CMSS1: variants seen among roughly 807,000 people sequenced by gnomAD.
CMSS1 encodes cms1 ribosomal small subunit homolog, also known as protein CMSS1.
In CMSS1, 33 loss-of-function variants were observed where a neutral mutation model predicts 43.5. The observed-to-expected ratio is 0.76, with a 90% confidence interval of 0.57 to 1.01. The LOEUF (loss-of-function observed/expected upper bound fraction) is 1.01. Ranked by LOEUF, CMSS1 falls within the 50% of genes least tolerant of loss-of-function variation. The pLI is 0.00. For missense variants in CMSS1, 313 were observed against 326.4 expected, an observed-to-expected ratio of 0.96 and a Z score of 0.32; for synonymous variants, 115 against 117.2, an observed-to-expected ratio of 0.98 and a Z score of 0.12.
chr3:99,827,867 G>A (rs901832695), intron 1 of CMSS1, among the ~76,000 whole-genome samples: 5 of 152,198 alleles, frequency 3.3e-5, no homozygotes, highest in Non-Finnish European at 7.3e-5. Flanking sequence ...GACTCCCAAA[G>A]TGCTGGGATT....
intron 1 of CMSS1, among the ~76,000 whole-genome samples, chr3:100,045,240 A>C (rs2065260667): frequency 6.6e-6 from 1 of 152,222 alleles, no homozygotes; most frequent in East Asian, 1.9e-4. Flanking sequence ...CTGTGCAAAG[A>C]GGTTGAAAGG....
At chr3:100,054,749 C>A (rs1394987276) in intron 1 of CMSS1, among the ~76,000 whole-genome samples, 2 of 152,130 alleles carry the variant, frequency 1.3e-5, no homozygotes, top group East Asian at 3.8e-4. Flanking sequence ...ACCCTCAAGC[C>A]CTGGGATGAG....
At chr3:100,013,496 G>A (rs903356107) in intron 1 of CMSS1, among the ~76,000 whole-genome samples, 4 of 151,858 alleles carry the variant, frequency 2.6e-5, no homozygotes, top group African/African-American at 7.3e-5. Flanking sequence ...CATCCACCTC[G>A]GCCTCCCAAA....
At chr3:100,087,832 CTT>C (rs755041519) in intron 1 of CMSS1, among the ~76,000 whole-genome samples, 1,160 of 114,020 alleles carry the variant, frequency 0.01, 4 homozygotes, top group African/African-American at 0.022. Context: ...ATTGTTTCAA[CTT>C]TTTTTTTTTT....
At chr3:99,968,059 G>C (rs963438808) in intron 1 of CMSS1, among the ~76,000 whole-genome samples, 1 of 152,128 alleles carries the variant, frequency 6.6e-6, no homozygotes, top group Non-Finnish European at 1.5e-5. Flanking sequence ...AGGGATCCTT[G>C]GGGAAAACAT....
At chr3:100,011,472 A>G (rs1710155247) in intron 1 of CMSS1, among the ~76,000 whole-genome samples, 1 of 152,194 alleles carries the variant, frequency 6.6e-6, no homozygotes, top group African/African-American at 2.4e-5. Context: ...TTCCTCCAAA[A>G]TGGAGTTGGA....
intron 1 of CMSS1, among the ~76,000 whole-genome samples, chr3:99,893,217 G>A (rs1010699341): frequency 2.0e-5 from 3 of 146,678 alleles, no homozygotes; most frequent in Admixed American, 6.9e-5. Flanking sequence ...CCAGGCTGGA[G>A]TGCAGTGGCG....
At chr3:100,177,576 G>A (rs1328984369) in intron 9 of CMSS1, among the ~76,000 whole-genome samples, 1 of 152,222 alleles carries the variant, frequency 6.6e-6, no homozygotes, top group African/African-American at 2.4e-5. Context: ...AAAGCACACT[G>A]TGGAGTCCTT....
chr3:99,886,234 TC>T (rs1705891643), intron 1 of CMSS1, among the ~76,000 whole-genome samples: 1 of 149,754 alleles, frequency 6.7e-6, no homozygotes, highest in Non-Finnish European at 1.5e-5. Flanking sequence ...TATGCTGAGT[TC>T]CTGGTGAGAG....
intron 1 of CMSS1, among the ~76,000 whole-genome samples, chr3:99,923,766 G>A (rs967620657): frequency 2.0e-5 from 3 of 152,066 alleles, no homozygotes; most frequent in African/African-American, 7.2e-5. Context: ...GCTCCTTCAG[G>A]CCAACAGTAT....
At chr3:99,951,019 T>C (rs781020630) in intron 1 of CMSS1, among the ~76,000 whole-genome samples, 1 of 152,114 alleles carries the variant, frequency 6.6e-6, no homozygotes, top group Non-Finnish European at 1.5e-5. Flanking sequence ...TGGCCCACAG[T>C]TTCACCTCAT....
At chr3:100,137,395 A>G (rs1202783095) in intron 1 of CMSS1, among the ~76,000 whole-genome samples, 3 of 152,236 alleles carry the variant, frequency 2.0e-5, no homozygotes, top group African/African-American at 4.8e-5. Context: ...ACAGGAAGTC[A>G]TAACAATTCT....
At chr3:100,137,113 G>T (rs1337814794) in intron 1 of CMSS1, among the ~76,000 whole-genome samples, 1 of 152,218 alleles carries the variant, frequency 6.6e-6, no homozygotes. Flanking sequence ...CTCTTAATGG[G>T]CTGGGAACAT....
chr3:100,172,424 TACTCTTGCCCAGGG>T (rs763819993), intron 8 of CMSS1, 21 bp downstream of exon 8: 1 of 1,580,458 alleles, frequency 6.3e-7, no homozygotes, highest in Admixed American at 1.7e-5. Flanking sequence ...AGGGCAGTGA[TACTCTTGCCCAGGG>T]CTGGGAGTTT....
intron 1 of CMSS1, among the ~76,000 whole-genome samples, chr3:99,876,791 A>G (rs1473012846): frequency 6.6e-6 from 1 of 152,134 alleles, no homozygotes; most frequent in Non-Finnish European, 1.5e-5. Context: ...GTTTTTCCTG[A>G]AAGAACTTCC....
At chr3:99,928,657 T>C (rs1576579354) in intron 1 of CMSS1, among the ~76,000 whole-genome samples, 2 of 152,208 alleles carry the variant, frequency 1.3e-5, no homozygotes, top group East Asian at 3.8e-4. Flanking sequence ...CATTTCACAC[T>C]GAAGTGTTGA....
chr3:100,054,773 A>G (rs2065436169), intron 1 of CMSS1, among the ~76,000 whole-genome samples: 2 of 152,296 alleles, frequency 1.3e-5, no homozygotes, highest in African/African-American at 4.8e-5. Context: ...CACAACTTCT[A>G]TCACAATGCC....
chr3:100,145,512 A>C (rs186002480), intron 1 of CMSS1, among the ~76,000 whole-genome samples: 11 of 152,288 alleles, frequency 7.2e-5, no homozygotes, highest in African/African-American at 2.4e-4. Flanking sequence ...AGGATTATAT[A>C]AGGAACGAGA....
chr3:99,904,117 A>G (rs1014708286), intron 1 of CMSS1, among the ~76,000 whole-genome samples: 70 of 152,324 alleles, frequency 4.6e-4, no homozygotes, highest in African/African-American at 1.6e-3. Context: ...TCAGACAAGC[A>G]CTTTACATTT....
Sources: gnomAD v4.1 joint callset for allele counts (sites outside exome capture counted in the v4.1 genomes callset) on GRCh38, gnomAD v4.1.1 for gene constraint, MANE v1.5 for transcripts, NCBI Gene and HGNC (gene_info 2026-07-23, HGNC 2026-07-21) for gene names.